Variants in TTC39A observed in about 807,000 individuals in gnomAD.
The protein encoded by TTC39A is tetratricopeptide repeat protein 39A.
TTC39A carries 46 observed loss-of-function variants against 82.3 expected under a neutral mutation model. The observed-to-expected ratio is 0.56, with a 90% CI of 0.44 to 0.71. The LOEUF (loss-of-function observed/expected upper bound fraction) is 0.71, where lower values mean the gene tolerates loss of function less well. Among genes scored for constraint, TTC39A ranks in the 30% least tolerant of loss-of-function variants. The pLI is 0.00. For missense variants in TTC39A, 543 were observed against 712.9 expected (o/e 0.76, Z 2.71); for synonymous variants, 254 against 275.2 (o/e 0.92, Z 0.76).
chr1:51,294,414 T>A lies in TTC39A; in HGVS notation c.1243A>T (p.Ile415Phe). 1 of 1,613,704 alleles carries A rather than the reference T, an allele frequency of 6.2e-7. No individual in the cohort carries two copies. Among genetic ancestry groups the A allele is most frequent in the African/African-American group, 1.3e-5 (1 of 74,958 alleles). ...KSRRYFSSNP[I>F]SLPVPALEMM... ...ACCAGAGCAGGCACTGGCAGCGAGA[T>A]AGGGTTGGAGGAGAAGTAGCGCCGG... Residue 415 changes from isoleucine (I) to phenylalanine (F), a missense_variant, in exon 14 of 18, where the codon ATC (isoleucine) becomes TTC (phenylalanine). By Grantham distance (21) the Ile-to-Phe change is conservative (BLOSUM62 0). Coordinates refer to ENST00000680483, the MANE Select transcript of TTC39A (RefSeq NM_001297663.2). The surrounding 1 kb of genome is among the most constrained non-coding windows in gnomAD (Gnocchi z 4.3).
In TTC39A at chr1:51,312,168, A is replaced by T; in HGVS notation, c.306T>A (p.Asp102Glu). 1 of 1,610,980 alleles carries T rather than the reference A, an allele frequency of 6.2e-7. No homozygotes were observed. The highest frequency in any genetic ancestry group is 1.3e-5 in the African/African-American group (1 of 75,006). ...GGCGGTTCACCAGGCTGCTGAAGGA[A>T]TCTGTTACAGAAGACTTCCTCCGGT... The part of the protein sequence containing the change: ...QRHRRKSSVT[D>E]SFSSLVNRPT... Residue 102 changes from aspartate to glutamate, a missense_variant, in exon 4 of 18, where the codon GAT becomes GAA. Physicochemically the swap from Asp to Glu is conservative, Grantham distance 45. Coordinates refer to ENST00000680483, the MANE Select transcript of TTC39A (RefSeq NM_001297663.2).
rs2148311918 is a variant in TTC39A, at chr1:51,330,423, A to T, written c.41+14T>A. The T allele has an allele frequency of 1.0e-6, 1 of 978,930 alleles. No homozygotes were observed. The highest frequency in any genetic ancestry group is 4.6e-5 in the South Asian group (1 of 21,506). 60.6% of individuals were successfully genotyped at this position (978,930 alleles called of 1,614,324 possible). On this transcript the variant is annotated intron_variant, in intron 1 of 17. Transcript: ENST00000680483. This position sits in a 1 kb window ranked among gnomAD's most constrained non-coding sequence, Gnocchi z 4.5. The stretch of plus-strand genomic sequence containing the variant: ...CGCCGCCCGCGCCCCCGGGCCTCCC[A>T]GCCGCGCACTTACCCCGCGGGCAGG...
intron 2 of TTC39A, among the ~76,000 whole-genome samples, chr1:51,316,432 C>T (rs1259147779): frequency 6.6e-6 from 1 of 152,178 alleles, no homozygotes; most frequent in Non-Finnish European, 1.5e-5. Context: ...AGCCTAGTGT[C>T]CTCATACCAG....
chr1:51,338,927 T>G (rs1646004729), intron 1 of TTC39A, among the ~76,000 whole-genome samples: 1 of 152,204 alleles, frequency 6.6e-6, no homozygotes, highest in South Asian at 2.1e-4. Context: ...TTGAGTGGCC[T>G]GTCCTGTGCT....
Position 51,288,757 on chromosome 1 carries a change from C to G in TTC39A, c.1610+82G>C, listed in dbSNP as rs987370695. ...CTTGCTAGCAACTCCACTCACTGCT[C>G]TCTGGGCAACTCTGTCCCCAGCCAG... On this transcript the variant is annotated intron_variant, in intron 17 of 17. Transcript: ENST00000680483. The surrounding 1 kb of genome is among the most constrained non-coding windows in gnomAD (Gnocchi z 4.8). 2.9e-6 allele frequency: 4 copies of G among 1,355,982 alleles called. No homozygotes were observed. In the African/African-American group the frequency reaches 5.8e-5, roughly 20 times the overall value. 84.0% of individuals were successfully genotyped at this position (1,355,982 alleles called of 1,614,324 possible).
At chr1:51,303,256 A>G in intron 8 of TTC39A, 64 bp from the exon 9 acceptor site, 1 of 1,408,966 alleles carries the variant, frequency 7.1e-7, no homozygotes, top group Non-Finnish European at 9.7e-7. Context: ...GCAGCTGGAC[A>G]GCTGTGTGGG....
At chr1:51,328,462 C>T (rs1371181635) in intron 1 of TTC39A, among the ~76,000 whole-genome samples, 3 of 152,188 alleles carry the variant, frequency 2.0e-5, no homozygotes, top group Non-Finnish European at 4.4e-5. Context: ...AGTGTGAAAA[C>T]GCGAGCTGCA....
At chr1:51,329,993 C>G (rs1184578581) in intron 1 of TTC39A, 1 of 304,500 alleles carries the variant, frequency 3.3e-6, no homozygotes, top group Admixed American at 6.5e-5. Flanking sequence ...GTGGGGGGAT[C>G]TGACAACAGA....
rs76065110 is a variant in TTC39A, at chr1:51,291,807, A to T, written c.1267-1182T>A. On this transcript the variant is annotated intron_variant, in intron 14 of 17. Coordinates refer to ENST00000680483, the MANE Select transcript of TTC39A (RefSeq NM_001297663.2). ...GGTGACAGAGTGAGATTCTATCTCA[A>T]AAAAAAAAAAAAAATTCTTTTCACC... Among the ~76,000 whole-genome samples, 7 of 143,608 alleles carry T rather than the reference A, an allele frequency of 4.9e-5. No homozygotes were observed. In the South Asian group the frequency reaches 1.1e-3, roughly 22 times the overall value. The allele number at this position is 143,608 out of a possible 152,430, so 94.2% of individuals were successfully genotyped here.
intron 2 of TTC39A, among the ~76,000 whole-genome samples, chr1:51,320,719 C>G (rs560307030): frequency 1.6e-3 from 241 of 151,826 alleles, no homozygotes; most frequent in African/African-American, 5.3e-3. Flanking sequence ...TCCCAAAGTG[C>G]TGGGATTATA....
chr1:51,290,220 A>C (rs2148102446), intron 15 of TTC39A, 101 bp from the exon 16 acceptor site: 2 of 1,039,310 alleles, frequency 1.9e-6, no homozygotes, highest in East Asian at 2.6e-5. Flanking sequence ...GACACAGGTA[A>C]ATCAGACACA....
intron 12 of TTC39A, chr1:51,296,953 T>A (rs1644455231): frequency 6.6e-6 from 1 of 152,444 alleles, no homozygotes; most frequent in Non-Finnish European, 1.5e-5. Context: ...TCCTCAGAAG[T>A]CCTGAGACAG....
chr1:51,334,195 C>CATA (rs1553181739), upstream of TTC39A, among the ~76,000 whole-genome samples: 103 of 38,062 alleles, frequency 2.7e-3, no homozygotes, highest in East Asian at 5.6e-3. Context: ...CCTGTCTCTA[C>CATA]AAAAAAAAAA....
chr1:51,305,210 G>A (rs556544402), intron 7 of TTC39A, 64 bp from the exon 8 acceptor site: 3 of 1,512,066 alleles, frequency 2.0e-6, no homozygotes, highest in African/African-American at 2.7e-5. Flanking sequence ...CACCCCCACT[G>A]TCCCAAGTCT....
At chr1:51,317,218 A>G (rs1456426096) in intron 2 of TTC39A, among the ~76,000 whole-genome samples, 7 of 152,220 alleles carry the variant, frequency 4.6e-5, no homozygotes, top group Non-Finnish European at 7.3e-5. Context: ...GCAGCGAAGA[A>G]CAGCGAATGA....
intron 16 of TTC39A, among the ~76,000 whole-genome samples, chr1:51,289,482 GC>G (rs1053028210): frequency 6.6e-6 from 1 of 152,164 alleles, no homozygotes; most frequent in African/African-American, 2.4e-5. Context: ...CTGTGTCCAT[GC>G]ACTGGTGCAT....
intron 1 of TTC39A, among the ~76,000 whole-genome samples, chr1:51,328,577 G>T (rs1480131248): frequency 6.6e-6 from 1 of 152,164 alleles, no homozygotes; most frequent in Non-Finnish European, 1.5e-5. Context: ...ACAGAGAAAT[G>T]ATAAAACCTA....
chr1:51,319,983 C>T (rs996616817), intron 2 of TTC39A, among the ~76,000 whole-genome samples: 1 of 152,150 alleles, frequency 6.6e-6, no homozygotes, highest in East Asian at 1.9e-4. Context: ...AGCCACTGCG[C>T]CCAGACTTTC....
In TTC39A at chr1:51,288,075, C is replaced by A. The variant is rs1644054169; in HGVS notation, c.*82G>T. The A allele has an allele frequency of 2.6e-6, 4 of 1,561,496 alleles. No individual in the cohort carries two copies. The highest frequency in any genetic ancestry group is 3.5e-6 in the Non-Finnish European group (4 of 1,150,870). ...GGTGGACCCCAAAGGCAGGGCAGGG[C>A]AGGGGGAGGGGGTATTTTGAAATGT... On this transcript the variant is annotated 3_prime_UTR_variant, in exon 18 of 18. Transcript: ENST00000680483. This position sits in a 1 kb window ranked among gnomAD's most constrained non-coding sequence, Gnocchi z 4.8.
Sources: allele counts gnomAD v4.1 joint callset (sites outside exome capture counted in the v4.1 genomes callset), GRCh38; gene constraint gnomAD v4.1.1; non-coding constraint Gnocchi (gnomAD v3.1); transcripts MANE v1.5; gene names NCBI Gene and HGNC (gene_info 2026-07-23, HGNC 2026-07-21).